Variants in NTRK3 observed in about 807,000 individuals in gnomAD.
NTRK3 encodes the protein neurotrophic receptor tyrosine kinase 3, also known as NT-3 growth factor receptor.
In NTRK3, 24 loss-of-function variants were observed where a neutral mutation model predicts 91.7. The observed-to-expected ratio is 0.26, with a 90% CI of 0.19 to 0.37. NTRK3 has a LOEUF of 0.37. Ranked by LOEUF, NTRK3 falls within the 10% of genes least tolerant of loss-of-function variation. NTRK3 has a pLI of 1.00. For synonymous variants in NTRK3, 483 were observed against 404.0 expected, an observed-to-expected ratio of 1.20 and a Z score of -2.34; for missense variants, 880 against 1,068.9, an observed-to-expected ratio of 0.82 and a Z score of 2.46.
In NTRK3 at chr15:87,860,171, T is replaced by G. The variant is rs550651372; in HGVS notation, c.*16764A>C. The G allele has an allele frequency of 1.0e-3, 234 of 223,050 alleles. 3 individuals are homozygous for G. Among genetic ancestry groups the G allele is most frequent in the African/African-American group, 5.0e-3 (224 of 44,754 alleles). The allele number at this position is 223,050 out of a possible 1,614,324, so 13.8% of individuals were successfully genotyped here. A position where few individuals can be genotyped will look rare whatever the true frequency, so the allele number is the denominator to read the frequency against. On this transcript the variant is annotated 3_prime_UTR_variant, in exon 19 of 19. Transcript: ENST00000394480. ...TAACTTCAACACCCATAGATTCCGATGAAGACACATGTTTGCCTTGGGATG... is the reference window on the plus strand; with the variant it reads ...TAACTTCAACACCCATAGATTCCGAGGAAGACACATGTTTGCCTTGGGATG...
At chr15:87,972,959 C>G (rs866318494) in intron 14 of NTRK3, among the ~76,000 whole-genome samples, 6 of 152,308 alleles carry the variant, frequency 3.9e-5, no homozygotes, top group South Asian at 2.1e-4. Context: ...GTGCTCCTGT[C>G]TTTCTTGTTC....
intron 5 of NTRK3, among the ~76,000 whole-genome samples, chr15:88,179,415 C>A (rs554895567): frequency 6.6e-6 from 1 of 152,308 alleles, no homozygotes; most frequent in African/African-American, 2.4e-5. Context: ...ATCTTCCGTG[C>A]TGTAAAACAA....
chr15:88,000,615 A>G (rs1361279340), intron 14 of NTRK3, among the ~76,000 whole-genome samples: 1 of 152,184 alleles, frequency 6.6e-6, no homozygotes, highest in East Asian at 1.9e-4. Flanking sequence ...TTAAATATGT[A>G]GTTACTTTGA....
intron 13 of NTRK3, among the ~76,000 whole-genome samples, chr15:88,064,089 ACAGAGAAGAAGGT>A (rs1260713183): frequency 6.6e-6 from 1 of 152,190 alleles, no homozygotes; most frequent in Non-Finnish European, 1.5e-5. Context: ...ACACAGAGAC[ACAGAGAAGAAGGT>A]CAGGTGAGAC....
At chr15:87,899,218 T>A (rs549787796) in intron 17 of NTRK3, among the ~76,000 whole-genome samples, 4 of 152,238 alleles carry the variant, frequency 2.6e-5, no homozygotes, top group Admixed American at 2.6e-4. Flanking sequence ...TAGATGGGCA[T>A]AATTAGTGGT....
intron 3 of NTRK3, among the ~76,000 whole-genome samples, chr15:88,244,134 G>A (rs2052619149): frequency 6.6e-6 from 1 of 152,150 alleles, no homozygotes; most frequent in Non-Finnish European, 1.5e-5. Context: ...TCAGTAGGGG[G>A]TAAAATGACC....
At chr15:87,976,752 A>G (rs902079014) in intron 14 of NTRK3, among the ~76,000 whole-genome samples, 2 of 152,152 alleles carry the variant, frequency 1.3e-5, no homozygotes, top group East Asian at 1.9e-4. Flanking sequence ...GAGTGTGTGC[A>G]TGAAAGGGAG....
chr15:88,003,722 G>A (rs1175382310), intron 14 of NTRK3, among the ~76,000 whole-genome samples: 1 of 151,916 alleles, frequency 6.6e-6, no homozygotes. Flanking sequence ...AACATATGGA[G>A]GAACAAACAC....
chr15:88,010,954 T>C (rs1340590638), intron 14 of NTRK3, among the ~76,000 whole-genome samples: 4 of 152,128 alleles, frequency 2.6e-5, no homozygotes, highest in Non-Finnish European at 5.9e-5. Context: ...AAATGCAAAT[T>C]TTCAGTTCAG....
chr15:88,177,270 T>C (rs1177930930), intron 5 of NTRK3, among the ~76,000 whole-genome samples: 2 of 152,160 alleles, frequency 1.3e-5, no homozygotes, highest in Non-Finnish European at 2.9e-5. Flanking sequence ...AGTGGCATGA[T>C]CGGATTTATA....
intron 3 of NTRK3, among the ~76,000 whole-genome samples, chr15:88,251,271 C>T (rs142890085): frequency 9.6e-4 from 147 of 152,342 alleles, no homozygotes; most frequent in Admixed American, 3.0e-3. Context: ...CTGCCATCCC[C>T]AGGAGATGCC....
At chr15:88,127,280 C>G in intron 11 of NTRK3, 54 bp from the exon 12 acceptor site, 2 of 1,498,454 alleles carry the variant, frequency 1.3e-6, no homozygotes, top group East Asian at 2.3e-5. Flanking sequence ...GCTGGGGAGG[C>G]TCAGCCACAG....
chr15:88,196,365 C>T (rs1008238486), intron 3 of NTRK3, among the ~76,000 whole-genome samples: 3 of 150,936 alleles, frequency 2.0e-5, no homozygotes, highest in Non-Finnish European at 3.0e-5. Flanking sequence ...GCGACCGAGG[C>T]ACAGTGAAGA....
chr15:88,118,297 T>A (rs1171640716), intron 13 of NTRK3, among the ~76,000 whole-genome samples: 1 of 152,168 alleles, frequency 6.6e-6, no homozygotes, highest in Non-Finnish European at 1.5e-5. Flanking sequence ...AAGCCTATCA[T>A]CATGCCTCTT....
intron 14 of NTRK3, among the ~76,000 whole-genome samples, chr15:87,973,342 C>T (rs572558405): frequency 2.6e-5 from 4 of 152,260 alleles, no homozygotes; most frequent in African/African-American, 7.2e-5. Flanking sequence ...AAAAGTCCTA[C>T]CCAAGAGGGC....
At chr15:87,916,564 C>A in intron 17 of NTRK3, 1 of 702,262 alleles carries the variant, frequency 1.4e-6, no homozygotes, top group Non-Finnish European at 2.6e-6. Context: ...GCACAACCTT[C>A]AATGAGAGAA....
intron 14 of NTRK3, among the ~76,000 whole-genome samples, chr15:87,981,871 G>A (rs565819649): frequency 6.6e-6 from 1 of 152,200 alleles, no homozygotes; most frequent in Non-Finnish European, 1.5e-5. Context: ...GATGAGAGGA[G>A]GTGGTGGTGT....
Position 88,233,324 on chromosome 15 carries a change from A to G in NTRK3, c.248+22582T>C, listed in dbSNP as rs2051377605. Among the ~76,000 whole-genome samples, 1 of 152,166 alleles carries G rather than the reference A, an allele frequency of 6.6e-6. No homozygotes were observed. Among genetic ancestry groups the G allele is most frequent in the Admixed American group, 6.5e-5 (1 of 15,282 alleles). The stretch of plus-strand genomic sequence containing the variant: ...ACTTGTGAAACACCTCTGGCTTCAC[A>G]CAGTTCCACCTGCAGTGGTGGCTGG... On this transcript the variant is annotated intron_variant, in intron 3 of 18. Transcript: ENST00000394480. The surrounding 1 kb of genome is among the most constrained non-coding windows in gnomAD (Gnocchi z 4.2).
intron 13 of NTRK3, among the ~76,000 whole-genome samples, chr15:88,053,886 T>C (rs1213873749): frequency 6.6e-6 from 1 of 152,184 alleles, no homozygotes. Flanking sequence ...CCTTTGGCAA[T>C]TTGCCTCAAG....
Sources: allele counts gnomAD v4.1 joint callset (sites outside exome capture counted in the v4.1 genomes callset), GRCh38; gene constraint gnomAD v4.1.1; non-coding constraint Gnocchi (gnomAD v3.1); transcripts MANE v1.5; gene names NCBI Gene and HGNC (gene_info 2026-07-23, HGNC 2026-07-21).